Variants in MAD1L1 observed in about 807,000 individuals in gnomAD.
MAD1L1 encodes mitotic spindle assembly checkpoint protein MAD1.
MAD1L1 carries 95 observed loss-of-function variants against 96.9 expected under a neutral mutation model. The observed-to-expected ratio is 0.98, with a 90% CI of 0.83 to 1.16. MAD1L1 has a LOEUF of 1.16. Ranked by LOEUF, MAD1L1 falls within the 50% of genes most tolerant of loss-of-function variation. The pLI is 0.00. For missense variants in MAD1L1, 1,007 were observed against 954.4 expected (o/e 1.06, Z -0.73); for synonymous variants, 473 against 396.6 (o/e 1.19, Z -2.29).
In MAD1L1 at chr7:1,912,558, G is replaced by A. The variant is rs115819152; in HGVS notation, c.1808-14168C>T. ...AGGCAGGGCTGCGGTCCCTGCCGCC[G>A]ATGCATCAGAGCCACCGGGACCCTG... On this transcript the variant is annotated intron_variant, in intron 17 of 18. Transcript: ENST00000265854. Among the ~76,000 whole-genome samples, 967 of 152,268 alleles carry A rather than the reference G, an allele frequency of 6.4e-3. 11 individuals are homozygous for A. The highest frequency in any genetic ancestry group is 0.022 in the African/African-American group (910 of 41,544).
intron 18 of MAD1L1, among the ~76,000 whole-genome samples, chr7:1,819,218 A>G (rs1781993885): frequency 6.6e-6 from 1 of 152,180 alleles, no homozygotes; most frequent in Admixed American, 6.5e-5. Context: ...CAATTTTTTA[A>G]AAAGCAAATT....
intron 17 of MAD1L1, among the ~76,000 whole-genome samples, chr7:1,915,317 G>C (rs572011047): frequency 4.2e-4 from 64 of 152,338 alleles, no homozygotes; most frequent in Non-Finnish European, 7.6e-4. Context: ...GGGACGGGGA[G>C]ATGGGAGGGG....
chr7:2,080,658 C>A (rs1248639503), intron 11 of MAD1L1, among the ~76,000 whole-genome samples: 1 of 152,172 alleles, frequency 6.6e-6, no homozygotes, highest in Non-Finnish European at 1.5e-5. Context: ...CCAAGTCCAT[C>A]CCCAGGCAGC....
rs959043913 is a variant in MAD1L1, at chr7:1,901,126, C to T, written c.1808-2736G>A. Among the ~76,000 whole-genome samples, 32 of 152,190 alleles carry T rather than the reference C, an allele frequency of 2.1e-4. 1 individual carries two copies. Among genetic ancestry groups the T allele is most frequent in the Non-Finnish European group, 5.9e-5 (4 of 68,028 alleles). On this transcript the variant is annotated intron_variant, in intron 17 of 18. Transcript: ENST00000265854. ...TCTCCTGTCCACGTAGGGAAGGGTC[C>T]ATCCTCCAGACAAGGCTGCCTCGAC... is the stretch of plus-strand genomic sequence containing the variant.
chr7:2,013,765 T>C (rs957720009), intron 13 of MAD1L1, among the ~76,000 whole-genome samples: 1 of 152,134 alleles, frequency 6.6e-6, no homozygotes, highest in Non-Finnish European at 1.5e-5. Flanking sequence ...GGGAACGGTG[T>C]GCTAGGAGCC....
At chr7:1,834,329 T>C (rs1053316619) in intron 18 of MAD1L1, among the ~76,000 whole-genome samples, 1 of 151,650 alleles carries the variant, frequency 6.6e-6, no homozygotes, top group Non-Finnish European at 1.5e-5. Context: ...AAAGCAACAA[T>C]GGTGAAAGAA....
chr7:1,912,347 C>G (rs1788073047), intron 17 of MAD1L1, among the ~76,000 whole-genome samples: 1 of 152,200 alleles, frequency 6.6e-6, no homozygotes, highest in East Asian at 1.9e-4. Context: ...CTGAGAAACT[C>G]TGGTAAAAGG....
At chr7:1,852,746 T>C (rs1470798475) in intron 18 of MAD1L1, among the ~76,000 whole-genome samples, 1 of 152,124 alleles carries the variant, frequency 6.6e-6, no homozygotes, top group African/African-American at 2.4e-5. Flanking sequence ...TTGTAATGAC[T>C]CCGGACTTGC....
intron 2 of MAD1L1, 54 bp from the exon 3 acceptor site, chr7:2,230,197 G>T: frequency 1.4e-6 from 2 of 1,468,036 alleles, no homozygotes; most frequent in Non-Finnish European, 1.9e-6. Context: ...CGTGCCATCA[G>T]CCGTGCAGTC....
At chr7:1,976,501 C>G (rs1275606149) in intron 15 of MAD1L1, among the ~76,000 whole-genome samples, 1 of 152,182 alleles carries the variant, frequency 6.6e-6, no homozygotes, top group Non-Finnish European at 1.5e-5. Context: ...TGCAGACCTT[C>G]GTGGTGAGTG....
At chr7:1,893,231 C>T (rs908412337) in intron 18 of MAD1L1, among the ~76,000 whole-genome samples, 19 of 152,206 alleles carry the variant, frequency 1.2e-4, no homozygotes, top group African/African-American at 3.1e-4. Context: ...TCCACCCACG[C>T]GGCAACAAGA....
At chr7:2,120,645 G>A (rs1014529019) in intron 11 of MAD1L1, among the ~76,000 whole-genome samples, 2 of 152,234 alleles carry the variant, frequency 1.3e-5, no homozygotes, top group African/African-American at 4.8e-5. Context: ...CTGTTGCTCT[G>A]TTTCCCCAAC....
At chr7:1,959,085 C>G (rs574838604) in intron 15 of MAD1L1, among the ~76,000 whole-genome samples, 2 of 152,250 alleles carry the variant, frequency 1.3e-5, no homozygotes, top group Admixed American at 1.3e-4. Flanking sequence ...AACCCCTTCT[C>G]TACTAAAAAT....
chr7:1,870,319 T>G (rs1301394061), intron 18 of MAD1L1, among the ~76,000 whole-genome samples: 1 of 143,488 alleles, frequency 7.0e-6, no homozygotes, highest in Non-Finnish European at 1.5e-5. Context: ...GAACCTAACA[T>G]ACGCCTGCCA....
intron 13 of MAD1L1, among the ~76,000 whole-genome samples, chr7:2,010,577 G>A (rs889322613): frequency 6.6e-6 from 1 of 152,186 alleles, no homozygotes; most frequent in Non-Finnish European, 1.5e-5. Flanking sequence ...AAATAACACC[G>A]TGCAAGACGG....
At chr7:1,910,486 G>A (rs991483139) in intron 17 of MAD1L1, among the ~76,000 whole-genome samples, 1 of 152,210 alleles carries the variant, frequency 6.6e-6, no homozygotes, top group Non-Finnish European at 1.5e-5. Flanking sequence ...TTGAACACCC[G>A]CCGCGGAGCC....
intron 14 of MAD1L1, among the ~76,000 whole-genome samples, chr7:1,988,510 C>T (rs1053740950): frequency 6.6e-6 from 1 of 152,132 alleles, no homozygotes; most frequent in African/African-American, 2.4e-5. Context: ...TGCTCTGGGC[C>T]TGGCCCAGGC....
chr7:1,964,257 C>T (rs777504483), intron 15 of MAD1L1, among the ~76,000 whole-genome samples: 5 of 152,240 alleles, frequency 3.3e-5, no homozygotes, highest in East Asian at 1.9e-4. Context: ...CTTAGGGAGA[C>T]GCTGGATGAA....
intron 14 of MAD1L1, among the ~76,000 whole-genome samples, chr7:2,000,598 G>A (rs897499385): frequency 3.9e-5 from 6 of 152,180 alleles, no homozygotes; most frequent in African/African-American, 1.4e-4. Context: ...GAGCGGCCCC[G>A]GGAGAATGCG....
Sources: gnomAD v4.1 joint callset for allele counts (sites outside exome capture counted in the v4.1 genomes callset) on GRCh38, gnomAD v4.1.1 for gene constraint, MANE v1.5 for transcripts, NCBI Gene and HGNC (gene_info 2026-07-23, HGNC 2026-07-21) for gene names.